FHIT: variants seen among roughly 807,000 people sequenced by gnomAD.
The protein encoded by FHIT is bis(5'-adenosyl)-triphosphatase.
In FHIT, 19 loss-of-function variants were observed where a neutral mutation model predicts 17.9. That is an observed-to-expected ratio of 1.06 (90% CI 0.74 to 1.56). The LOEUF (loss-of-function observed/expected upper bound fraction) is 1.56. Among genes scored for constraint, FHIT ranks in the 40% most tolerant of loss-of-function variants. The probability of loss-of-function intolerance (pLI) is 0.00; values close to 1 mark genes in which losing one functional copy is unlikely to be tolerated. For synonymous variants in FHIT, 81 were observed against 69.7 expected (o/e 1.16, Z -0.81); for missense variants, 248 against 189.2 (o/e 1.31, Z -1.82).
chr3:60,173,634 G>T (rs1701516015), intron 5 of FHIT, among the ~76,000 whole-genome samples: 2 of 151,724 alleles, frequency 1.3e-5, no homozygotes, highest in African/African-American at 4.8e-5. Flanking sequence ...CAGGAGTGGA[G>T]ATCAACGAAG....
intron 8 of FHIT, among the ~76,000 whole-genome samples, chr3:59,788,859 A>T (rs569835591): frequency 1.2e-3 from 93 of 76,766 alleles, no homozygotes; most frequent in Non-Finnish European, 2.1e-3. Context: ...TCTCAGAACC[A>T]CGTTCTTTGC....
intron 5 of FHIT, among the ~76,000 whole-genome samples, chr3:60,518,482 T>C (rs1375345409): frequency 6.6e-6 from 1 of 152,220 alleles, no homozygotes; most frequent in African/African-American, 2.4e-5. Context: ...TCTTGAAGTT[T>C]ATGAGATGTG....
At chr3:61,219,869 C>A (rs377643903) in intron 1 of FHIT, among the ~76,000 whole-genome samples, 13 of 152,288 alleles carry the variant, frequency 8.5e-5, no homozygotes, top group African/African-American at 2.6e-4. Flanking sequence ...AAACAAATAT[C>A]TTTCCGAAAT....
chr3:61,020,026 C>A (rs572409319), intron 3 of FHIT, among the ~76,000 whole-genome samples: 24 of 152,290 alleles, frequency 1.6e-4, no homozygotes, highest in Admixed American at 1.2e-3. Flanking sequence ...GCCCCACAAA[C>A]CCTGACAGGC....
chr3:60,541,137 A>G (rs910702831), intron 4 of FHIT, among the ~76,000 whole-genome samples: 2 of 152,202 alleles, frequency 1.3e-5, no homozygotes, highest in African/African-American at 2.4e-5. Context: ...ATATGCTTGA[A>G]TATGTCCAGT....
chr3:60,323,327 A>G (rs13096288), intron 5 of FHIT, among the ~76,000 whole-genome samples: 2 of 152,140 alleles, frequency 1.3e-5, no homozygotes, highest in Non-Finnish European at 2.9e-5. Context: ...TGCCAACTAC[A>G]TGGATAATAA....
chr3:60,868,043 A>T (rs6766713), intron 3 of FHIT, among the ~76,000 whole-genome samples: 2 of 152,056 alleles, frequency 1.3e-5, no homozygotes, highest in African/African-American at 4.8e-5. Flanking sequence ...ACCAAGACAT[A>T]GCTTGTTATG....
intron 8 of FHIT, among the ~76,000 whole-genome samples, chr3:59,920,480 G>A (rs1705348095): frequency 6.6e-6 from 1 of 152,200 alleles, no homozygotes; most frequent in Admixed American, 6.5e-5. Flanking sequence ...GAATAAGACA[G>A]GAGAGAGAGG....
intron 5 of FHIT, among the ~76,000 whole-genome samples, chr3:60,383,570 G>A (rs767609081): frequency 4.0e-5 from 6 of 151,488 alleles, no homozygotes; most frequent in Non-Finnish European, 8.8e-5. Flanking sequence ...TGTCAACAAC[G>A]CCAAGGTGAA....
intron 4 of FHIT, among the ~76,000 whole-genome samples, chr3:60,785,938 G>C (rs1301284404): frequency 2.5e-5 from 3 of 121,344 alleles, no homozygotes; most frequent in Non-Finnish European, 5.1e-5. Flanking sequence ...CACACACAGA[G>C]AGAGTACTTT....
intron 5 of FHIT, among the ~76,000 whole-genome samples, chr3:60,046,084 T>C (rs1023141613): frequency 6.6e-6 from 1 of 152,240 alleles, no homozygotes; most frequent in African/African-American, 2.4e-5. Context: ...TATTTCTGCC[T>C]AATATTTCAT....
intron 4 of FHIT, among the ~76,000 whole-genome samples, chr3:60,791,352 A>G (rs1575529367): frequency 6.6e-6 from 1 of 152,352 alleles, no homozygotes; most frequent in East Asian, 1.9e-4. Flanking sequence ...AGAAAAAGTT[A>G]AATTATAAAA....
chr3:60,755,967 C>T (rs17063922), intron 4 of FHIT, among the ~76,000 whole-genome samples: 1,964 of 152,322 alleles, frequency 0.013, 35 homozygotes, highest in East Asian at 0.041. Context: ...ACCACCCTTA[C>T]ATTTCCAAAG....
intron 3 of FHIT, among the ~76,000 whole-genome samples, chr3:60,824,517 T>A (rs1702045386): frequency 6.6e-6 from 1 of 151,928 alleles, no homozygotes; most frequent in Non-Finnish European, 1.5e-5. Context: ...GGTAAACAAA[T>A]AAATATTTTT....
chr3:60,616,202 T>C (rs1421003214), intron 4 of FHIT, among the ~76,000 whole-genome samples: 2 of 152,218 alleles, frequency 1.3e-5, no homozygotes, highest in Non-Finnish European at 2.9e-5. Flanking sequence ...ACAAGACCTA[T>C]TTACACAACA....
intron 8 of FHIT, among the ~76,000 whole-genome samples, chr3:59,765,402 G>C (rs969436058): frequency 6.6e-6 from 1 of 152,138 alleles, no homozygotes; most frequent in Non-Finnish European, 1.5e-5. Context: ...TATCCCTTTG[G>C]CCATATTGCT....
At chr3:60,267,714 T>C (rs1706655577) in intron 5 of FHIT, among the ~76,000 whole-genome samples, 4 of 152,154 alleles carry the variant, frequency 2.6e-5, no homozygotes, top group African/African-American at 7.2e-5. Flanking sequence ...TTACTAATGA[T>C]CAATTCAAGT....
chr3:59,776,552 A>C (rs2106858986), intron 8 of FHIT, among the ~76,000 whole-genome samples: 1 of 152,352 alleles, frequency 6.6e-6, no homozygotes, highest in South Asian at 2.1e-4. Context: ...CAGCAGGGAA[A>C]GGGGAGAGAC....
intron 7 of FHIT, among the ~76,000 whole-genome samples, chr3:59,999,209 G>T (rs532958525): frequency 1.4e-4 from 21 of 152,106 alleles, no homozygotes; most frequent in Non-Finnish European, 2.8e-4. Flanking sequence ...TTTTAAAAAA[G>T]GGCAAGAAAT....
Sources: gnomAD v4.1 joint callset for allele counts (sites outside exome capture counted in the v4.1 genomes callset) on GRCh38, gnomAD v4.1.1 for gene constraint, MANE v1.5 for transcripts, NCBI Gene and HGNC (gene_info 2026-07-23, HGNC 2026-07-21) for gene names.